PGA5: variants seen among roughly 807,000 people sequenced by gnomAD.
The protein encoded by PGA5 is pepsinogen A5, also known as pepsin A-5.
A neutral mutation model predicts 15.9 loss-of-function variants in PGA5; 19 were observed. That is an observed-to-expected ratio of 1.19 (90% CI 0.83 to 1.75). PGA5 has a LOEUF of 1.75. Ranked by LOEUF, PGA5 falls within the 40% of genes most tolerant of loss-of-function variation. The pLI is 0.00. For missense variants in PGA5, 224 were observed against 246.4 expected (o/e 0.91, Z 0.61); for synonymous variants, 92 against 95.8 (o/e 0.96, Z 0.23).
chr11:61,248,236 A>C, intron 5 of PGA5, 183 bp from the exon 6 acceptor site: 1 of 1,443,852 alleles, frequency 6.9e-7, no homozygotes, highest in Non-Finnish European at 9.8e-7. Flanking sequence ...TGGTAAGTGG[A>C]AACAACAGTG....
intron 5 of PGA5, among the ~76,000 whole-genome samples, chr11:61,247,208 C>T (rs1364355286): frequency 6.6e-6 from 1 of 151,618 alleles, no homozygotes; most frequent in African/African-American, 2.4e-5. Context: ...GTGAGATGTT[C>T]GCAGCAAAGG....
At chr11:61,248,297 G>T (rs762534840) in intron 5 of PGA5, 122 bp from the exon 6 acceptor site, 17 of 1,611,684 alleles carry the variant, frequency 1.1e-5, no homozygotes, top group Non-Finnish European at 1.4e-5. Context: ...AACCACATTG[G>T]TCACACCCCA....
chr11:61,247,134 G>A lies in PGA5; in HGVS notation c.656+989G>A, dbSNP rs530588767. ...TCGTCCTCTCTTGAAAGGGTTCGCC[G>A]TCATTCATGTGTCTCCTCGGTTGGT... is the stretch of plus-strand genomic sequence containing the variant. On this transcript the variant is annotated intron_variant, in intron 5 of 8. Transcript: ENST00000312403. Among the ~76,000 whole-genome samples, 401 of 152,106 alleles carry A rather than the reference G, an allele frequency of 2.6e-3. 1 individual carries two copies. The highest frequency in any genetic ancestry group is 4.6e-3 in the Admixed American group (70 of 15,278).
chr11:61,247,895 G>A (rs1455765263), intron 5 of PGA5, among the ~76,000 whole-genome samples: 2 of 152,006 alleles, frequency 1.3e-5, no homozygotes, highest in Admixed American at 6.5e-5. Context: ...ATTGTAGGAT[G>A]TTTGGCAGCA....
In PGA5 at chr11:61,249,641, G is replaced by A. The variant is rs780782189; in HGVS notation, c.774-28G>A. 1.7e-5 allele frequency: 28 copies of A among 1,613,628 alleles called. No individual in the cohort carries two copies. The East Asian group carries it at 6.0e-4, about 35-fold the overall frequency. ...GGAGAGATGAACCCCTGAGGGCTCA[G>A]GGAGCTTAACTTGCTTCTTACCCTC... On this transcript the variant is annotated intron_variant, in intron 6 of 8. Coordinates refer to ENST00000312403, the MANE Select transcript of PGA5 (RefSeq NM_014224.5).
chr11:61,251,404 G>A lies in PGA5; in HGVS notation c.*123G>A, dbSNP rs1032503496. On this transcript the variant is annotated 3_prime_UTR_variant, in exon 9 of 9. Coordinates refer to ENST00000312403, the MANE Select transcript of PGA5 (RefSeq NM_014224.5). The stretch of plus-strand genomic sequence containing the variant: ...TGTGAAGGTCTTGGCCCTGTTCCCT[G>A]TCCTACCAATAACGTAGAATAAAAA... 8.0e-6 allele frequency: 12 copies of A among 1,500,410 alleles called. No homozygotes were observed. Among genetic ancestry groups the A allele is most frequent in the African/African-American group, 3.1e-5 (2 of 64,538 alleles). 92.9% of individuals were successfully genotyped at this position (1,500,410 alleles called of 1,614,324 possible). A position where few individuals can be genotyped will look rare whatever the true frequency, so the allele number is the denominator to read the frequency against.
chr11:61,251,050 G>C (rs879095516), intron 8 of PGA5, 82 bp from the exon 9 acceptor site: 1 of 1,610,410 alleles, frequency 6.2e-7, no homozygotes. Context: ...AGCTGGACCA[G>C]GGCTCCCTGG....
At chr11:61,250,325 C>G (rs918185055) in intron 8 of PGA5, among the ~76,000 whole-genome samples, 5 of 151,390 alleles carry the variant, frequency 3.3e-5, no homozygotes, top group Non-Finnish European at 7.4e-5. Context: ...CAAGCTACAG[C>G]TCATCTCACC....
rs1379507686 is a variant in PGA5, at chr11:61,248,452, T to C, written c.690T>C (p.Gly230=). The change falls in exon 6 of 9, where the codon GGT becomes GGC. Residue 230 remains glycine, a synonymous_variant. Transcript: ENST00000312403. ...AGAGTGGCAGCGTGGTGATCTTTGG[T>C]GGCATTGACTCTTCTTACTACACTG... is the stretch of plus-strand genomic sequence containing the variant. ...DDKSGSVVIF[G]GIDSSYYTGS... is the part of the protein sequence containing the mutation. The C allele has an allele frequency of 6.2e-7, 1 of 1,613,808 alleles. No individual in the cohort carries two copies.
intron 8 of PGA5, among the ~76,000 whole-genome samples, chr11:61,250,373 T>C (rs1448733564): frequency 6.6e-6 from 1 of 151,446 alleles, no homozygotes; most frequent in Non-Finnish European, 1.5e-5. Flanking sequence ...ATGGCAGCTT[T>C]CCCCACCCTC....
chr11:61,249,872 G>T (rs1209168138), intron 7 of PGA5, 44 bp from the exon 8 acceptor site: 1 of 1,613,678 alleles, frequency 6.2e-7, no homozygotes, highest in African/African-American at 1.3e-5. Flanking sequence ...CCAGGCAGAA[G>T]CGACGAAAAC....
chr11:61,248,880 C>T (rs1359193280), intron 6 of PGA5, among the ~76,000 whole-genome samples: 7 of 152,134 alleles, frequency 4.6e-5, no homozygotes, highest in African/African-American at 1.7e-4. Flanking sequence ...AACAAGCACA[C>T]GCTCCTGCCA....
rs557059144 is a variant in PGA5 at position 61,249,987 on chromosome 11, C to T, written c.990C>T (p.Pro330=). Residue 330 remains proline, a synonymous_variant, in exon 8 of 9, where the codon CCC becomes CCT. Transcript: ENST00000312403. ...IVFTINGVQY[P]VPPSAYILQS... ...TCACCATCAATGGAGTCCAGTACCC[C>T]GTGCCACCCAGTGCCTACATCCTGC... 1.3e-5 allele frequency: 21 copies of T among 1,611,446 alleles called. No individual in the cohort carries two copies. The East Asian group carries it at 2.2e-4, about 17-fold the overall frequency.
intron 8 of PGA5, chr11:61,250,638 T>A: frequency 2.2e-6 from 1 of 460,286 alleles, no homozygotes; most frequent in East Asian, 6.9e-5. Flanking sequence ...CCCCCACTGA[T>A]TCTGATTACA....
At chr11:61,249,836 T>C (rs774455000) in intron 7 of PGA5, 23 bp downstream of exon 7, 2 of 1,613,554 alleles carry the variant, frequency 1.2e-6, no homozygotes, top group Admixed American at 1.7e-5. Flanking sequence ...CCGACTGCCC[T>C]GTTCTACACT....
At chr11:61,246,571 G>A (rs1409367385) in intron 5 of PGA5, among the ~76,000 whole-genome samples, 1 of 151,778 alleles carries the variant, frequency 6.6e-6, no homozygotes, top group Non-Finnish European at 1.5e-5. Context: ...AGACCAGCCT[G>A]GCCAACATGG....
In PGA5 at chr11:61,251,199, T is replaced by C. The variant is rs1222328090; in HGVS notation, c.1085T>C (p.Ile362Thr). 1 of 1,611,728 alleles carries C rather than the reference T, an allele frequency of 6.2e-7. No homozygotes were observed. Among genetic ancestry groups the C allele is most frequent in the Non-Finnish European group, 8.5e-7 (1 of 1,179,862 alleles). The change falls in exon 9 of 9, where the codon ATC becomes ACC. Residue 362 changes from isoleucine to threonine, a missense_variant. Coordinates refer to ENST00000312403, the MANE Select transcript of PGA5 (RefSeq NM_014224.5). The stretch of plus-strand genomic sequence containing the variant: ...CCCACCGAATCTGGAGAGCTTTGGA[T>C]CCTGGGTGATGTCTTCATCCGCCAG... Reference protein sequence around the residue: ...NVPTESGELWILGDVFIRQYF... With the variant: ...NVPTESGELWTLGDVFIRQYF...
rs1326004243 is a variant in PGA5 at position 61,245,927 on chromosome 11, T to C, written c.457-19T>C. 2 of 208,334 alleles carry C rather than the reference T, an allele frequency of 9.6e-6. No homozygotes were observed. The highest frequency in any genetic ancestry group is 1.9e-4 in the Admixed American group (2 of 10,402). 12.9% of individuals were successfully genotyped at this position (208,334 alleles called of 1,614,324 possible). ...GAACATGACCCGATGGTGAACATCATCTCGGTTTCCCCACCCAGGTTGGAG... is the reference window on the plus strand; with the variant it reads ...GAACATGACCCGATGGTGAACATCACCTCGGTTTCCCCACCCAGGTTGGAG... On this transcript the variant is annotated intron_variant, in intron 4 of 8. Coordinates refer to ENST00000312403, the MANE Select transcript of PGA5 (RefSeq NM_014224.5).
chr11:61,247,541 T>A (rs1854081145), intron 5 of PGA5, among the ~76,000 whole-genome samples: 1 of 151,988 alleles, frequency 6.6e-6, no homozygotes. Flanking sequence ...CCTCACAAAG[T>A]GCTGGGATTA....
Sources: gnomAD v4.1 joint callset for allele counts (sites outside exome capture counted in the v4.1 genomes callset) on GRCh38, gnomAD v4.1.1 for gene constraint, MANE v1.5 for transcripts, NCBI Gene and HGNC (gene_info 2026-07-23, HGNC 2026-07-21) for gene names.